Variants in TMEM132D observed in about 807,000 individuals in gnomAD.
TMEM132D encodes the protein transmembrane protein 132D.
In TMEM132D, 21 loss-of-function variants were observed where a neutral mutation model predicts 62.3. The observed-to-expected ratio is 0.34, with a 90% CI of 0.24 to 0.49. The LOEUF is 0.49. Among genes scored for constraint, TMEM132D ranks in the 20% least tolerant of loss-of-function variants. The pLI is 0.99. For synonymous variants in TMEM132D, 621 were observed against 575.6 expected (o/e 1.08, Z -1.13); for missense variants, 1,346 against 1,402.8 (o/e 0.96, Z 0.65).
intron 2 of TMEM132D, among the ~76,000 whole-genome samples, chr12:129,605,604 TACAC>T (rs1555221323): frequency 7.5e-5 from 8 of 106,234 alleles, no homozygotes; most frequent in African/African-American, 1.9e-4. Flanking sequence ...TATATATATA[TACAC>T]ACACATATAT....
chr12:129,881,184 C>T (rs575438706), intron 1 of TMEM132D, among the ~76,000 whole-genome samples: 5 of 151,960 alleles, frequency 3.3e-5, no homozygotes, highest in African/African-American at 1.2e-4. Flanking sequence ...ATGCAACTAA[C>T]GACAGAACTT....
intron 2 of TMEM132D, among the ~76,000 whole-genome samples, chr12:129,613,652 A>G (rs180822460): frequency 6.6e-6 from 1 of 152,376 alleles, no homozygotes; most frequent in Admixed American, 6.5e-5. Context: ...GGGAATTGAA[A>G]AGTCAGCATC....
intron 2 of TMEM132D, among the ~76,000 whole-genome samples, chr12:129,640,160 C>T (rs1433429199): frequency 6.6e-6 from 1 of 152,150 alleles, no homozygotes; most frequent in Non-Finnish European, 1.5e-5. Context: ...ACCATTTCTC[C>T]TTCACTTGCT....
At chr12:129,144,244 T>C in intron 5 of TMEM132D, among the ~76,000 whole-genome samples, 1 of 152,152 alleles carries the variant, frequency 6.6e-6, no homozygotes, top group Non-Finnish European at 1.5e-5. Flanking sequence ...AATTATGTGC[T>C]TGTCACTCTG....
chr12:129,585,826 T>A (rs753237341), intron 2 of TMEM132D, among the ~76,000 whole-genome samples: 7 of 151,030 alleles, frequency 4.6e-5, no homozygotes, highest in Non-Finnish European at 8.8e-5. Flanking sequence ...TGTGTGTGTG[T>A]GTGTGTGTGT....
At chr12:129,806,463 T>C (rs1269483420) in intron 1 of TMEM132D, among the ~76,000 whole-genome samples, 2 of 136,146 alleles carry the variant, frequency 1.5e-5, no homozygotes, top group South Asian at 2.7e-4. Context: ...AAACACCGCA[T>C]ATTCTCACTC....
At chr12:129,184,863 G>T (rs780862423) in intron 5 of TMEM132D, among the ~76,000 whole-genome samples, 88 of 151,806 alleles carry the variant, frequency 5.8e-4, no homozygotes, top group Admixed American at 1.4e-3. Flanking sequence ...GAGTGTTTGG[G>T]GTGAGGGTGG....
rs1484596285 is a variant in TMEM132D, at chr12:129,543,156, T to A, written c.969-11951A>T. ...ATGGATGGACAGCTGGACAGATGGA[T>A]GAATGGGTGGGTGGGTGGGTGGGTG... On this transcript the variant is annotated intron_variant, in intron 2 of 8. Transcript: ENST00000422113. 9.8e-4 allele frequency among the ~76,000 whole-genome samples: 100 copies of A among 102,370 alleles called. 2 individuals carry two copies. The Admixed American group carries it at 0.012, about 12-fold the overall frequency. 67.2% of individuals were successfully genotyped at this position (102,370 alleles called of 152,430 possible). A position where few individuals can be genotyped will look rare whatever the true frequency, so the allele number is the denominator to read the frequency against.
chr12:129,791,944 G>A (rs970856292), intron 1 of TMEM132D, among the ~76,000 whole-genome samples: 1 of 152,158 alleles, frequency 6.6e-6, no homozygotes, highest in African/African-American at 2.4e-5. Flanking sequence ...AAGTTATGGA[G>A]CCTCCTCAGC....
intron 2 of TMEM132D, among the ~76,000 whole-genome samples, chr12:129,591,914 A>G (rs548820589): frequency 6.6e-6 from 1 of 152,330 alleles, no homozygotes; most frequent in South Asian, 2.1e-4. Context: ...AAAATTCAAG[A>G]TGGGTCCAAT....
intron 3 of TMEM132D, among the ~76,000 whole-genome samples, chr12:129,463,717 A>T (rs904488397): frequency 2.6e-5 from 4 of 151,498 alleles, no homozygotes; most frequent in Non-Finnish European, 5.9e-5. Context: ...GAGTGAGAAC[A>T]TGCGGTGTTC....
At chr12:129,829,574 C>G (rs1872766859) in intron 1 of TMEM132D, among the ~76,000 whole-genome samples, 1 of 152,136 alleles carries the variant, frequency 6.6e-6, no homozygotes, top group Admixed American at 6.6e-5. Flanking sequence ...CTGAGCCACT[C>G]CTGGGACAGT....
In TMEM132D at chr12:129,543,672, G is replaced by A. The variant is rs1005619561; in HGVS notation, c.969-12467C>T. On this transcript the variant is annotated intron_variant, in intron 2 of 8. Transcript: ENST00000422113. ...CAGAATGGTGCCATGGGTGGTCCAA[G>A]TATGGTTTTCACTGGATGCTTATCA... 3.3e-5 allele frequency among the ~76,000 whole-genome samples: 5 copies of A among 152,304 alleles called. 1 individual carries two copies. The highest frequency in any genetic ancestry group is 3.4e-3 in the Middle Eastern group (1 of 294).
At chr12:129,269,184 T>C (rs1880784064) in intron 4 of TMEM132D, among the ~76,000 whole-genome samples, 1 of 152,016 alleles carries the variant, frequency 6.6e-6, no homozygotes, top group Non-Finnish European at 1.5e-5. Flanking sequence ...TTCTTCCCTC[T>C]TTTTTTTATT....
At chr12:129,573,261 G>T (rs559164639) in intron 2 of TMEM132D, among the ~76,000 whole-genome samples, 5 of 152,310 alleles carry the variant, frequency 3.3e-5, no homozygotes, top group Admixed American at 3.3e-4. Flanking sequence ...GAGGGCGCTG[G>T]AGAGGAAGCC....
chr12:129,173,088 A>T (rs181546000), intron 5 of TMEM132D, among the ~76,000 whole-genome samples: 36 of 152,332 alleles, frequency 2.4e-4, no homozygotes, highest in African/African-American at 8.2e-4. Flanking sequence ...GGTATAATAA[A>T]AAAGAAAAAG....
At chr12:129,140,214 CCACACACACACACA>C (rs58179230) in intron 5 of TMEM132D, among the ~76,000 whole-genome samples, 1 of 148,552 alleles carries the variant, frequency 6.7e-6, no homozygotes, top group South Asian at 2.2e-4. Context: ...GGCGCTGTTA[CCACACACACACACA>C]CACACACACA....
Position 129,525,075 on chromosome 12 carries a change from G to A in TMEM132D, c.1115+5984C>T, listed in dbSNP as rs368996891. On this transcript the variant is annotated intron_variant, in intron 3 of 8. Coordinates refer to ENST00000422113, the MANE Select transcript of TMEM132D (RefSeq NM_133448.3). ...TGTGTAGCTGGGACTACAGGCGCCC[G>A]CCACCACACTCAGCTAATTTATTTG... Among the ~76,000 whole-genome samples the A allele has an allele frequency of 5.9e-4, 88 of 149,060 alleles. 1 individual carries two copies. The East Asian group carries it at 0.014, about 23-fold the overall frequency.
At chr12:129,901,627 G>T (rs1875354683) in intron 1 of TMEM132D, among the ~76,000 whole-genome samples, 1 of 152,158 alleles carries the variant, frequency 6.6e-6, no homozygotes, top group East Asian at 1.9e-4. Context: ...CTCATTTAAG[G>T]ACATGTTCAG....
Sources: allele counts gnomAD v4.1 joint callset (sites outside exome capture counted in the v4.1 genomes callset), GRCh38; gene constraint gnomAD v4.1.1; transcripts MANE v1.5; gene names NCBI Gene and HGNC (gene_info 2026-07-23, HGNC 2026-07-21).